The following ABRA variants were observed in gnomAD, a reference collection of about 807,000 sequenced individuals.
The protein encoded by ABRA is actin binding Rho activating protein.
Under a neutral mutation model 33.4 loss-of-function variants are expected in ABRA, and 25 were observed. That is an observed-to-expected ratio of 0.75 (90% CI 0.55 to 1.04). The LOEUF (loss-of-function observed/expected upper bound fraction) is 1.04, where lower values mean the gene tolerates loss of function less well. ABRA is among the 50% of genes least tolerant of loss of function. The pLI is 0.00. For synonymous variants in ABRA, 193 were observed against 176.8 expected (o/e 1.09, Z -0.73); for missense variants, 501 against 491.7 (o/e 1.02, Z -0.18).
chr8:106,766,840 G>GAT (rs1392616805), intron 1 of ABRA, among the ~76,000 whole-genome samples: 1 of 152,198 alleles, frequency 6.6e-6, no homozygotes, highest in African/African-American at 2.4e-5. Flanking sequence ...AACCCCGTGA[G>GAT]ATATGAGTTA....
Position 106,761,227 on chromosome 8 carries a change from G to A in ABRA, c.956C>T (p.Thr319Ile), listed in dbSNP as rs376042673. 4 of 1,614,208 alleles carry A rather than the reference G, an allele frequency of 2.5e-6. No homozygotes were observed. Among genetic ancestry groups the A allele is most frequent in the South Asian group, 1.1e-5 (1 of 91,088 alleles). ...EMMDMCFIICTMARHRRDGKI... is the reference protein window; with the variant it reads ...EMMDMCFIICIMARHRRDGKI... ...GCCATCTCGTCTGTGGCGAGCCATT[G>A]TGCAGATAATGAAGCACATGTCCAT... Residue 319 changes from threonine (T) to isoleucine (I), a missense_variant, in exon 2 of 2, where the codon ACA becomes ATA. Physicochemically the swap from Thr to Ile is moderately conservative, Grantham distance 89. Transcript: ENST00000311955.
Position 106,769,856 on chromosome 8 carries a change from G to T in ABRA, c.335C>A (p.Thr112Lys), listed in dbSNP as rs113926734. 88 of 1,613,976 alleles carry T rather than the reference G, an allele frequency of 5.5e-5. No individual in the cohort carries two copies. The highest frequency in any genetic ancestry group is 7.3e-5 in the Non-Finnish European group (86 of 1,180,040). Reference sequence around the variant, plus strand: ...TCTCTCATAAGTCTTGCTGACCACCGTTTTGGACACCTCTTTCTTTTTGAT... The same window carrying T: ...TCTCTCATAAGTCTTGCTGACCACCTTTTTGGACACCTCTTTCTTTTTGAT... ...SHIKKKEVSK[T>K]VVSKTYERGG... Residue 112 changes from threonine (T) to lysine (K), a missense_variant, in exon 1 of 2, where the codon ACG becomes AAG. Physicochemically the swap from Thr to Lys is moderately conservative, Grantham distance 78 (BLOSUM62 -1). Transcript: ENST00000311955.
intron 1 of ABRA, among the ~76,000 whole-genome samples, chr8:106,764,888 G>T (rs199742553): frequency 8.5e-6 from 1 of 117,598 alleles, no homozygotes; most frequent in Non-Finnish European, 2.0e-5. Flanking sequence ...ATTCTGTATT[G>T]TTTTTATATC....
chr8:106,769,986 G>C lies in ABRA; in HGVS notation c.205C>G (p.Pro69Ala). The C allele has an allele frequency of 6.2e-7, 1 of 1,613,960 alleles. No homozygotes were observed. The highest frequency in any genetic ancestry group is 8.5e-7 in the Non-Finnish European group (1 of 1,179,994). ...CTCTGAGCTTTCTGGTGTGAAGTAG[G>C]GGGTGTGATTGGTTTAGGAGCTTGA... The part of the protein sequence containing the change: ...SPQAPKPITP[P>A]TSHQKAQSAP... Residue 69 changes from proline to alanine, a missense_variant, in exon 1 of 2, where the codon CCT becomes GCT. Pro to Ala is a conservative substitution (Grantham distance 27). Coordinates refer to ENST00000311955, the MANE Select transcript of ABRA (RefSeq NM_139166.5).
intron 1 of ABRA, among the ~76,000 whole-genome samples, chr8:106,766,990 A>T (rs890306949): frequency 3.3e-5 from 5 of 152,178 alleles, no homozygotes; most frequent in African/African-American, 1.2e-4. Flanking sequence ...GATTTGGGGA[A>T]CCCCAAGATG....
At chr8:106,762,522 G>A (rs535828688) in intron 1 of ABRA, among the ~76,000 whole-genome samples, 1 of 152,220 alleles carries the variant, frequency 6.6e-6, no homozygotes, top group East Asian at 1.9e-4. Context: ...TCGTGAGGAT[G>A]CCAGCCTAAT....
chr8:106,767,535 A>G (rs1295439367), intron 1 of ABRA, among the ~76,000 whole-genome samples: 5 of 152,176 alleles, frequency 3.3e-5, no homozygotes, highest in Admixed American at 1.3e-4. Context: ...GTTTTAAAAC[A>G]TTGCATTTGG....
intron 1 of ABRA, among the ~76,000 whole-genome samples, chr8:106,763,281 G>A (rs923755404): frequency 6.6e-6 from 1 of 152,070 alleles, no homozygotes; most frequent in African/African-American, 2.4e-5. Flanking sequence ...GTTTCCCAAC[G>A]TCCTACGCTT....
Position 106,761,197 on chromosome 8 carries a change from A to T in ABRA, c.986T>A (p.Ile329Asn). 6.2e-7 allele frequency: 1 copy of T among 1,614,212 alleles called. No homozygotes were observed. The highest frequency in any genetic ancestry group is 8.5e-7 in the Non-Finnish European group (1 of 1,180,030). The change falls in exon 2 of 2, where the codon ATC (isoleucine) becomes AAC (asparagine). Residue 329 changes from isoleucine (I) to asparagine (N), a missense_variant. Physicochemically the swap from Ile to Asn is moderately radical, Grantham distance 149. Coordinates refer to ENST00000311955, the MANE Select transcript of ABRA (RefSeq NM_139166.5). ...TMARHRRDGKIQVTFGDLFDR... is the reference protein window; with the variant it reads ...TMARHRRDGKNQVTFGDLFDR... ...AAAGAGATCTCCAAAAGTAACCTGG[A>T]TCTTGCCATCTCGTCTGTGGCGAGC...
chr8:106,761,576 C>G, intron 1 of ABRA, 62 bp from the exon 2 acceptor site: 1 of 1,368,844 alleles, frequency 7.3e-7, no homozygotes, highest in Non-Finnish European at 1.0e-6. Flanking sequence ...TGTTGTTTTC[C>G]CTTTGTACTT....
Position 106,769,877 on chromosome 8 carries a change from T to C in ABRA, c.314A>G (p.Lys105Arg), listed in dbSNP as rs771606374. 2.5e-6 allele frequency: 4 copies of C among 1,614,168 alleles called. No individual in the cohort carries two copies. The highest frequency in any genetic ancestry group is 1.1e-5 in the South Asian group (1 of 91,070). The change falls in exon 1 of 2, where the codon AAA becomes AGA. Residue 105 changes from lysine (K) to arginine (R), a missense_variant. Physicochemically the swap from Lys to Arg is conservative, Grantham distance 26 (BLOSUM62 2). Coordinates refer to ENST00000311955, the MANE Select transcript of ABRA (RefSeq NM_139166.5). ...SEKAPEVSHI[K>R]KKEVSKTVVS... is the part of the protein sequence containing the mutation. Reference sequence around the variant, plus strand: ...CACCGTTTTGGACACCTCTTTCTTTTTGATGTGAGAAACCTCAGGGGCTTT... The same window carrying C: ...CACCGTTTTGGACACCTCTTTCTTTCTGATGTGAGAAACCTCAGGGGCTTT...
At chr8:106,769,222 C>G (rs1256329354) in intron 1 of ABRA, among the ~76,000 whole-genome samples, 1 of 152,186 alleles carries the variant, frequency 6.6e-6, no homozygotes, top group East Asian at 1.9e-4. Context: ...TTAAAGAATT[C>G]ACGAAAAACA....
chr8:106,765,660 G>A (rs755077248), intron 1 of ABRA, among the ~76,000 whole-genome samples: 11 of 152,238 alleles, frequency 7.2e-5, no homozygotes, highest in Non-Finnish European at 1.3e-4. Context: ...CTGCTCAGCA[G>A]TTTTGCTGTC....
Position 106,761,312 on chromosome 8 carries a change from C to A in ABRA, c.871G>T (p.Glu291Ter). Reference sequence around the variant, plus strand: ...GCCCTTTCAGCAGTTTTGGTTCCTTCTTTGGGGCGGCCATAGCCCTCATCT... The same window carrying A: ...GCCCTTTCAGCAGTTTTGGTTCCTTATTTGGGGCGGCCATAGCCCTCATCT... ...KGDEGYGRPK[E>*]GTKTAERAKR... The change falls in exon 2 of 2, where the codon GAA (glutamate) becomes TAA (stop). Residue 291 changes from glutamate to a stop codon, truncating the protein, a stop_gained. Transcript: ENST00000311955. LOFTEE classifies it high-confidence loss of function. 6.2e-7 allele frequency: 1 copy of A among 1,614,178 alleles called. No homozygotes were observed. Among genetic ancestry groups the A allele is most frequent in the South Asian group, 1.1e-5 (1 of 91,084 alleles).
In ABRA at chr8:106,761,048, G is replaced by A; in HGVS notation, c.1135C>T (p.Leu379=). 2 of 1,613,020 alleles carry A rather than the reference G, an allele frequency of 1.2e-6. No homozygotes were observed. The highest frequency in any genetic ancestry group is 1.7e-6 in the Non-Finnish European group (2 of 1,179,034). The part of the protein sequence containing the change: ...QGRDDHVVIT[L]LK The stretch of plus-strand genomic sequence containing the variant: ...TTGTTTTTGAAGGTTCACTTGAGTA[G>A]CGTAATCACAACATGGTCATCTCGG... Residue 379 remains leucine, a synonymous_variant, in exon 2 of 2, where the codon CTA becomes TTA. Coordinates refer to ENST00000311955, the MANE Select transcript of ABRA (RefSeq NM_139166.5).
intron 1 of ABRA, among the ~76,000 whole-genome samples, chr8:106,764,724 C>A (rs1176817235): frequency 6.6e-6 from 1 of 152,058 alleles, no homozygotes; most frequent in Non-Finnish European, 1.5e-5. Context: ...ATATTAATGT[C>A]TATTTGTTAT....
intron 1 of ABRA, 150 bp downstream of exon 1, chr8:106,769,373 C>T: frequency 2.7e-6 from 3 of 1,101,198 alleles, no homozygotes; most frequent in Non-Finnish European, 3.9e-6. Flanking sequence ...AGCCCAGGGA[C>T]ATCCCTCCTC....
At chr8:106,767,271 C>T (rs572287379) in intron 1 of ABRA, among the ~76,000 whole-genome samples, 5 of 152,318 alleles carry the variant, frequency 3.3e-5, no homozygotes, top group African/African-American at 1.2e-4. Context: ...GCTGTCACCT[C>T]CTTACTTCTA....
chr8:106,761,553 T>C (rs1836141454), intron 1 of ABRA, 39 bp from the exon 2 acceptor site: 2 of 1,529,598 alleles, frequency 1.3e-6, no homozygotes, highest in Non-Finnish European at 1.8e-6. Context: ...GATTCAGATA[T>C]GTTAACACCG....
Sources: gnomAD v4.1 joint callset for allele counts (sites outside exome capture counted in the v4.1 genomes callset) on GRCh38, gnomAD v4.1.1 for gene constraint, MANE v1.5 for transcripts, NCBI Gene and HGNC (gene_info 2026-07-23, HGNC 2026-07-21) for gene names.